Variants in CHRNB4 observed in about 807,000 individuals in gnomAD.
The protein encoded by CHRNB4 is cholinergic receptor nicotinic beta 4 subunit.
Under a neutral mutation model 40.4 loss-of-function variants are expected in CHRNB4, and 23 were observed. The ratio of observed to expected loss-of-function variants is 0.57; its 90% CI spans 0.41 to 0.81. The LOEUF is 0.81. Among genes scored for constraint, CHRNB4 ranks in the 30% least tolerant of loss-of-function variants. CHRNB4 has a pLI of 0.00. For synonymous variants in CHRNB4, 285 were observed against 274.4 expected (o/e 1.04, Z -0.38); for missense variants, 568 against 670.6 (o/e 0.85, Z 1.69).
chr15:78,635,686 T>G, intron 1 of CHRNB4, 99 bp from the exon 2 acceptor site: 3 of 1,525,964 alleles, frequency 2.0e-6, no homozygotes, highest in Non-Finnish European at 2.7e-6. Context: ...ACAGGTGCCC[T>G]TAGGGCTGGC....
chr15:78,628,735 C>T (rs7178270), intron 5 of CHRNB4, among the ~76,000 whole-genome samples: 3 of 152,102 alleles, frequency 2.0e-5, no homozygotes, highest in Admixed American at 6.5e-5. Context: ...CCCATCTTGG[C>T]GTTTGCTTCT....
In CHRNB4 at chr15:78,624,686, C is replaced by T. The variant is rs373911781; in HGVS notation, c.*447G>A. On this transcript the variant is annotated 3_prime_UTR_variant, in exon 6 of 6. Transcript: ENST00000261751. ...TGAGCCTGGGCGATATAGCAAGACTCCGTTTAAAAGAAAAAAAAAAAGATG... is the reference window on the plus strand; with the variant it reads ...TGAGCCTGGGCGATATAGCAAGACTTCGTTTAAAAGAAAAAAAAAAAGATG... 28 of 338,644 alleles carry T rather than the reference C, an allele frequency of 8.3e-5. No homozygotes were observed. The Middle Eastern group carries it at 3.1e-3, about 37-fold the overall frequency. 21.0% of individuals were successfully genotyped at this position (338,644 alleles called of 1,614,324 possible).
chr15:78,654,971 G>A (rs1039997433), intron 5 of CHRNB4, among the ~76,000 whole-genome samples: 5 of 152,022 alleles, frequency 3.3e-5, no homozygotes, highest in East Asian at 1.9e-4. Context: ...CTTTATGGAC[G>A]GATAACTGGA....
chr15:78,652,256 C>T (rs1408430370), intron 6 of CHRNB4, among the ~76,000 whole-genome samples: 2 of 152,236 alleles, frequency 1.3e-5, no homozygotes, highest in Non-Finnish European at 2.9e-5. Context: ...ACCTGTGTGC[C>T]TCAGTGTGCC....
Position 78,629,656 on chromosome 15 carries a change from G to C in CHRNB4, c.649C>G (p.Pro217Ala). The change falls in exon 5 of 6, where the codon CCC becomes GCC. Residue 217 changes from proline (P) to alanine (A), a missense_variant. By Grantham distance (27) the Pro-to-Ala change is conservative. Transcript: ENST00000261751. This position sits in a 1 kb window ranked among gnomAD's most constrained non-coding sequence, Gnocchi z 6.8. ...PGRRTVNPQD[P>A]SYVDVTYDFI... ...TCGTAAGTCACGTCCACGTAGCTGG[G>C]GTCTTGTGGGTTCACTGTCCTTCTC... 1.2e-6 allele frequency: 2 copies of C among 1,614,094 alleles called. No homozygotes were observed. Among genetic ancestry groups the C allele is most frequent in the Non-Finnish European group, 1.7e-6 (2 of 1,180,016 alleles).
intron 7 of CHRNB4, among the ~76,000 whole-genome samples, chr15:78,649,067 C>A (rs149262652): frequency 6.6e-6 from 1 of 152,132 alleles, no homozygotes; most frequent in African/African-American, 2.4e-5. Flanking sequence ...TGTGAGCCAC[C>A]GCTCCCGGCA....
chr15:78,642,075 G>C (rs1244569161), upstream of CHRNB4, among the ~76,000 whole-genome samples: 1 of 152,182 alleles, frequency 6.6e-6, no homozygotes, highest in Non-Finnish European at 1.5e-5. Context: ...AGACAGGAAG[G>C]GCGGGGTCTA....
chr15:78,627,817 C>T (rs2053692879), intron 5 of CHRNB4: 1 of 152,208 alleles, frequency 6.6e-6, no homozygotes. Context: ...AATACCCAGA[C>T]TCCAGCACTC....
chr15:78,646,331 A>G (rs1373839429), intron 7 of CHRNB4, among the ~76,000 whole-genome samples: 3 of 152,214 alleles, frequency 2.0e-5, no homozygotes, highest in Admixed American at 2.0e-4. Context: ...AAGTAAATAC[A>G]ACTAGATCCC....
intron 1 of CHRNB4, among the ~76,000 whole-genome samples, chr15:78,637,919 G>A (rs766838979): frequency 6.6e-6 from 1 of 152,166 alleles, no homozygotes; most frequent in Non-Finnish European, 1.5e-5. Flanking sequence ...CTTTCCCAGA[G>A]GCCAGCTGCT....
At chr15:78,659,848 GAAGAC>G (rs1197257051) in intron 1 of CHRNB4, among the ~76,000 whole-genome samples, 5 of 152,218 alleles carry the variant, frequency 3.3e-5, no homozygotes, top group Non-Finnish European at 5.9e-5. Context: ...GCTGCTGGAT[GAAGAC>G]AAGAGTCTAG....
Position 78,625,056 on chromosome 15 carries a change from C to T in CHRNB4, c.*77G>A, listed in dbSNP as rs566541427. On this transcript the variant is annotated 3_prime_UTR_variant, in exon 6 of 6. Coordinates refer to ENST00000261751, the MANE Select transcript of CHRNB4 (RefSeq NM_000750.5). ...CTCACATATTTACTTAGGGCCTCAT[C>T]AGCCACAACCCAGAAAGAAGCAGCA... The T allele has an allele frequency of 5.0e-5, 81 of 1,609,042 alleles. No individual in the cohort carries two copies. The highest frequency in any genetic ancestry group is 4.7e-4 in the East Asian group (21 of 44,878).
intron 5 of CHRNB4, chr15:78,626,889 C>T (rs2053671698): frequency 6.6e-6 from 1 of 152,284 alleles, no homozygotes. Context: ...CTAGAAAGAG[C>T]AGAAGGCACG....
chr15:78,661,257 C>T (rs994099728), upstream of CHRNB4: 8 of 603,706 alleles, frequency 1.3e-5, no homozygotes, highest in Admixed American at 9.3e-5. Flanking sequence ...GGATCTTGCC[C>T]CCTGCCCCGC....
chr15:78,633,025 G>C (rs769558585), intron 2 of CHRNB4, among the ~76,000 whole-genome samples: 4 of 152,142 alleles, frequency 2.6e-5, no homozygotes, highest in Non-Finnish European at 5.9e-5. Context: ...TCCTTCGCAG[G>C]GTCTACGGGG....
chr15:78,635,338 C>A, intron 2 of CHRNB4, 101 bp downstream of exon 2: 1 of 1,455,542 alleles, frequency 6.9e-7, no homozygotes, highest in South Asian at 1.3e-5. Flanking sequence ...AAGTCTAAGT[C>A]AACTATAGTA....
intron 1 of CHRNB4, 149 bp from the exon 2 acceptor site, chr15:78,635,736 G>T: frequency 1.0e-6 from 1 of 988,476 alleles, no homozygotes; most frequent in Non-Finnish European, 1.5e-6. Flanking sequence ...CTCTCCTTGA[G>T]GACTTCAAAT....
chr15:78,650,536 T>C (rs2054163697), intron 6 of CHRNB4, among the ~76,000 whole-genome samples: 2 of 152,192 alleles, frequency 1.3e-5, no homozygotes, highest in Admixed American at 6.5e-5. Flanking sequence ...CTGAACTGCC[T>C]TTCTCTGGCT....
chr15:78,649,953 T>G (rs917414557), intron 6 of CHRNB4, among the ~76,000 whole-genome samples: 1 of 152,188 alleles, frequency 6.6e-6, no homozygotes, highest in African/African-American at 2.4e-5. Flanking sequence ...TCCCAGGTGT[T>G]TGTTATGTGG....
Sources: gnomAD v4.1 joint callset for allele counts (sites outside exome capture counted in the v4.1 genomes callset) on GRCh38, gnomAD v4.1.1 for gene constraint, Gnocchi (gnomAD v3.1) non-coding constraint, MANE v1.5 for transcripts, NCBI Gene and HGNC (gene_info 2026-07-23, HGNC 2026-07-21) for gene names.